UNC13C: variants seen among roughly 807,000 people sequenced by gnomAD.
The protein encoded by UNC13C is protein unc-13 homolog C.
A neutral mutation model predicts 245.4 loss-of-function variants in UNC13C; 174 were observed. That is an observed-to-expected ratio of 0.71 (90% CI 0.63 to 0.80). The LOEUF (loss-of-function observed/expected upper bound fraction) is 0.80. Among genes scored for constraint, UNC13C ranks in the 30% least tolerant of loss-of-function variants. UNC13C has a pLI of 0.00. For missense variants in UNC13C, 2,829 were observed against 2,602.9 expected, an observed-to-expected ratio of 1.09 and a Z score of -1.89; for synonymous variants, 992 against 895.1, an observed-to-expected ratio of 1.11 and a Z score of -1.93.
At chr15:53,932,940 C>T in the UNC13C span, among the ~76,000 whole-genome samples, 1 of 152,204 alleles carries the variant, frequency 6.6e-6, no homozygotes, top group Non-Finnish European at 1.5e-5. Flanking sequence ...CACCAAACCT[C>T]CATTCCTAAG....
intron 1 of UNC13C, among the ~76,000 whole-genome samples, chr15:53,993,009 T>C (rs1157690299): frequency 6.6e-6 from 1 of 152,064 alleles, no homozygotes; most frequent in Non-Finnish European, 1.5e-5. Context: ...ACTGCTATAA[T>C]ACACCACGGA....
the UNC13C span, chr15:53,914,095 T>C: frequency 6.7e-6 from 1 of 148,448 alleles, no homozygotes; most frequent in Non-Finnish European, 1.5e-5. Context: ...CAGAAGCCTA[T>C]GTGTATGTAT....
intron 19 of UNC13C, among the ~76,000 whole-genome samples, chr15:54,456,230 A>G (rs77158719): frequency 0.011 from 1,614 of 152,276 alleles, 30 homozygotes; most frequent in African/African-American, 0.037. Context: ...TCATACCAAT[A>G]TCATGCTGTT....
intron 22 of UNC13C, among the ~76,000 whole-genome samples, chr15:54,502,044 A>G (rs1894240460): frequency 6.6e-6 from 1 of 152,222 alleles, no homozygotes; most frequent in Non-Finnish European, 1.5e-5. Context: ...CATAACAAAC[A>G]TAGTAATTTA....
At chr15:53,845,785 G>A in the UNC13C span, among the ~76,000 whole-genome samples, 1 of 152,038 alleles carries the variant, frequency 6.6e-6, no homozygotes, top group Non-Finnish European at 1.5e-5. Context: ...GAAATTTTAG[G>A]TATTAATAAT....
the UNC13C span, chr15:53,948,676 C>G: frequency 2.8e-4 from 43 of 151,386 alleles, no homozygotes; most frequent in African/African-American, 1.0e-3. Flanking sequence ...GGGCTAGGGC[C>G]TTTTATTTTC....
At chr15:53,987,075 C>T (rs1439326379) in intron 1 of UNC13C, among the ~76,000 whole-genome samples, 1 of 152,024 alleles carries the variant, frequency 6.6e-6, no homozygotes, top group African/African-American at 2.4e-5. Context: ...ATTATAATGT[C>T]ATGAGAGATT....
chr15:54,426,037 C>T (rs915653644), intron 19 of UNC13C, among the ~76,000 whole-genome samples: 2 of 151,698 alleles, frequency 1.3e-5, no homozygotes, highest in African/African-American at 4.8e-5. Context: ...AACAATGACT[C>T]TCCTGCCTCC....
At chr15:54,023,111 G>A (rs764260907) in intron 2 of UNC13C, among the ~76,000 whole-genome samples, 1 of 152,152 alleles carries the variant, frequency 6.6e-6, no homozygotes, top group Non-Finnish European at 1.5e-5. Flanking sequence ...TCAGTTCTAG[G>A]CATTTTAATT....
intron 10 of UNC13C, among the ~76,000 whole-genome samples, chr15:54,279,427 C>T (rs1472242508): frequency 6.6e-6 from 1 of 152,106 alleles, no homozygotes; most frequent in Non-Finnish European, 1.5e-5. Flanking sequence ...TTGTATTGCT[C>T]ATGTTTGGGA....
At chr15:54,379,091 A>G (rs570151716) in intron 17 of UNC13C, among the ~76,000 whole-genome samples, 3 of 152,150 alleles carry the variant, frequency 2.0e-5, no homozygotes, top group Admixed American at 1.3e-4. Flanking sequence ...TTTGATAATT[A>G]CTCTTAAGAC....
intron 18 of UNC13C, among the ~76,000 whole-genome samples, chr15:54,400,433 C>A (rs1361716067): frequency 2.0e-5 from 3 of 152,056 alleles, no homozygotes; most frequent in Admixed American, 1.3e-4. Context: ...TTAGAATATG[C>A]CACTTTCTGG....
At chr15:54,037,738 G>C (rs947075294) in intron 2 of UNC13C, among the ~76,000 whole-genome samples, 1 of 151,978 alleles carries the variant, frequency 6.6e-6, no homozygotes, top group African/African-American at 2.4e-5. Flanking sequence ...GTGATCTAAC[G>C]CCATTCACTT....
chr15:54,384,005 A>G (rs2039782874), intron 17 of UNC13C, among the ~76,000 whole-genome samples: 1 of 152,150 alleles, frequency 6.6e-6, no homozygotes. Flanking sequence ...AAAGGAATTG[A>G]AGAAGACACA....
Position 54,075,988 on chromosome 15 carries a change from A to G in UNC13C, c.2983+60102A>G, listed in dbSNP as rs138152119. On this transcript the variant is annotated intron_variant, in intron 2 of 32. Coordinates refer to ENST00000260323, the MANE Select transcript of UNC13C (RefSeq NM_001080534.3). ...GTAATTTGTTCAAAGTCACACAGCT[A>G]GTTGATTGCAGTGCACTTCAGAATA... Among the ~76,000 whole-genome samples, 471 of 150,446 alleles carry G rather than the reference A, an allele frequency of 3.1e-3. 6 individuals carry two copies. The highest frequency in any genetic ancestry group is 0.011 in the African/African-American group (457 of 41,000).
At chr15:54,609,207 A>G (rs1351909441) in intron 30 of UNC13C, 2 of 152,072 alleles carry the variant, frequency 1.3e-5, no homozygotes, top group African/African-American at 2.4e-5. Flanking sequence ...TTCCTGGGTG[A>G]GCATTCTTGA....
At chr15:54,161,797 A>G (rs2032986207) in intron 4 of UNC13C, among the ~76,000 whole-genome samples, 1 of 151,738 alleles carries the variant, frequency 6.6e-6, no homozygotes, top group Admixed American at 6.6e-5. Context: ...ATAAGAATAC[A>G]AAAAAAATTA....
chr15:53,951,409 G>T, the UNC13C span, among the ~76,000 whole-genome samples: 19 of 152,352 alleles, frequency 1.2e-4, no homozygotes, highest in African/African-American at 4.6e-4. Context: ...TATGTGGGCT[G>T]ACCCAGGTTT....
intron 30 of UNC13C, among the ~76,000 whole-genome samples, chr15:54,591,473 A>T (rs1898787526): frequency 6.6e-6 from 1 of 152,098 alleles, no homozygotes; most frequent in African/African-American, 2.4e-5. Flanking sequence ...ACTACTTGTT[A>T]TTAGTCTGTT....
Sources: gnomAD v4.1 joint callset for allele counts (sites outside exome capture counted in the v4.1 genomes callset) on GRCh38, gnomAD v4.1.1 for gene constraint, MANE v1.5 for transcripts, NCBI Gene and HGNC (gene_info 2026-07-23, HGNC 2026-07-21) for gene names.